The following MATN2 variants were observed in gnomAD, a reference collection of about 807,000 sequenced individuals.
MATN2 encodes the protein matrilin-2.
A neutral mutation model predicts 103.2 loss-of-function variants in MATN2; 69 were observed. The observed-to-expected ratio is 0.67, with a 90% CI of 0.55 to 0.82. MATN2 has a LOEUF of 0.82. Ranked by LOEUF, MATN2 falls within the 40% of genes least tolerant of loss-of-function variation. The pLI is 0.00. For synonymous variants in MATN2, 429 were observed against 450.2 expected (o/e 0.95, Z 0.60); for missense variants, 1,023 against 1,211.5 (o/e 0.84, Z 2.31).
At chr8:97,914,261 A>C (rs573301111) in intron 2 of MATN2, among the ~76,000 whole-genome samples, 1 of 151,726 alleles carries the variant, frequency 6.6e-6, no homozygotes, top group Admixed American at 6.6e-5. Flanking sequence ...AGAAGACTGA[A>C]GTCTGGGCTG....
At chr8:97,927,126 G>GTTTTGT (rs10565947) in intron 2 of MATN2, among the ~76,000 whole-genome samples, 1 of 150,594 alleles carries the variant, frequency 6.6e-6, no homozygotes, top group African/African-American at 2.4e-5. Flanking sequence ...GTTCTGTTTT[G>GTTTTGT]TTTTGTTTTT....
At chr8:97,910,134 T>A (rs1353354335) in intron 2 of MATN2, among the ~76,000 whole-genome samples, 2 of 150,990 alleles carry the variant, frequency 1.3e-5, no homozygotes, top group East Asian at 3.9e-4. Flanking sequence ...CAATCTCAGC[T>A]CACTGCAACC....
chr8:98,034,964 G>A (rs994399618), intron 18 of MATN2, among the ~76,000 whole-genome samples: 7 of 151,294 alleles, frequency 4.6e-5, no homozygotes, highest in African/African-American at 1.7e-4. Flanking sequence ...GCTCACACCT[G>A]TAATCCTAGC....
chr8:98,025,260 G>A (rs1206904744), intron 13 of MATN2: 1 of 152,182 alleles, frequency 6.6e-6, no homozygotes, highest in Non-Finnish European at 1.5e-5. Flanking sequence ...CCCCCAACAT[G>A]TGCGCACTCA....
At chr8:98,015,469 G>A (rs569773638) in intron 10 of MATN2, among the ~76,000 whole-genome samples, 116 of 149,480 alleles carry the variant, frequency 7.8e-4, no homozygotes, top group Non-Finnish European at 1.5e-3. Context: ...AGTCACAGTG[G>A]TCTCCTTGCC....
chr8:97,908,301 C>T (rs1288187866), intron 2 of MATN2, among the ~76,000 whole-genome samples: 2 of 151,922 alleles, frequency 1.3e-5, no homozygotes, highest in African/African-American at 2.4e-5. Flanking sequence ...TATGACTCTA[C>T]TATGAGATCT....
At chr8:98,015,361 G>T (rs1813322191) in intron 10 of MATN2, among the ~76,000 whole-genome samples, 1 of 152,026 alleles carries the variant, frequency 6.6e-6, no homozygotes, top group Non-Finnish European at 1.5e-5. Context: ...TGCAGTGACT[G>T]CCCTTCTCTT....
At chr8:97,944,547 C>T (rs1444798847) in intron 4 of MATN2, among the ~76,000 whole-genome samples, 1 of 152,190 alleles carries the variant, frequency 6.6e-6, no homozygotes, top group Non-Finnish European at 1.5e-5. Flanking sequence ...TTGAACCCGA[C>T]CTTATCACTT....
Position 98,005,747 on chromosome 8 carries a change from C to CT in MATN2, c.1328-1357dup, listed in dbSNP as rs1812945431. ...GCCCTGAGCACTTCCCATGCATAAA[C>CT]TCCCTGCATCCTCACAGCCGCCCTA... is the stretch of plus-strand genomic sequence containing the variant. On this transcript the variant is annotated intron_variant, in intron 8 of 18. Coordinates refer to ENST00000254898, the MANE Select transcript of MATN2 (RefSeq NM_002380.5). This position sits in a 1 kb window ranked among gnomAD's most constrained non-coding sequence, Gnocchi z 4.6. 6.6e-6 allele frequency among the ~76,000 whole-genome samples: 1 copy of CT among 152,234 alleles called. No individual in the cohort carries two copies. Among genetic ancestry groups the CT allele is most frequent in the African/African-American group, 2.4e-5 (1 of 41,466 alleles).
chr8:97,880,064 G>A (rs1044049130), intron 1 of MATN2, among the ~76,000 whole-genome samples: 21 of 147,418 alleles, frequency 1.4e-4, no homozygotes, highest in Middle Eastern at 3.4e-3. Flanking sequence ...GGAATTTATC[G>A]TTAGAAAAAT....
chr8:97,988,189 T>TATACAC (rs71570279), intron 6 of MATN2, among the ~76,000 whole-genome samples: 10 of 54,974 alleles, frequency 1.8e-4, no homozygotes, highest in East Asian at 5.7e-4. Flanking sequence ...TATATATATA[T>TATACAC]ACACACACAC....
intron 7 of MATN2, among the ~76,000 whole-genome samples, chr8:97,999,374 T>C (rs1280083894): frequency 6.6e-6 from 1 of 152,244 alleles, no homozygotes; most frequent in East Asian, 1.9e-4. Flanking sequence ...GGAACCGCCA[T>C]GCTGTTTTCC....
chr8:97,963,724 G>A (rs1482650005), intron 5 of MATN2, among the ~76,000 whole-genome samples: 1 of 152,178 alleles, frequency 6.6e-6, no homozygotes, highest in Non-Finnish European at 1.5e-5. Flanking sequence ...GGGAGAGACT[G>A]CATCCCATTG....
chr8:97,878,665 C>T (rs903173066), intron 1 of MATN2, among the ~76,000 whole-genome samples: 5 of 151,888 alleles, frequency 3.3e-5, no homozygotes, highest in African/African-American at 9.7e-5. Flanking sequence ...GCCTAGCCAA[C>T]GTGGTGAAAC....
intron 4 of MATN2, among the ~76,000 whole-genome samples, chr8:97,958,141 C>T (rs1358233387): frequency 6.6e-6 from 1 of 152,114 alleles, no homozygotes; most frequent in Admixed American, 6.5e-5. Flanking sequence ...TTTTGTCTTC[C>T]TCCATTATTA....
intron 6 of MATN2, among the ~76,000 whole-genome samples, chr8:97,988,395 G>A (rs2130338752): frequency 6.6e-6 from 1 of 151,868 alleles, no homozygotes; most frequent in East Asian, 1.9e-4. Flanking sequence ...GGAGGCTTAG[G>A]TGGGAGGATT....
At chr8:97,965,275 T>C (rs1253220930) in intron 5 of MATN2, among the ~76,000 whole-genome samples, 1 of 152,178 alleles carries the variant, frequency 6.6e-6, no homozygotes, top group Non-Finnish European at 1.5e-5. Context: ...AGATTTTATC[T>C]CTGAAAAAGA....
chr8:98,031,036 G>C (rs1206247465), intron 15 of MATN2, among the ~76,000 whole-genome samples: 2 of 152,092 alleles, frequency 1.3e-5, no homozygotes, highest in South Asian at 2.1e-4. Flanking sequence ...GCAATGCCTA[G>C]AAACAGTACA....
chr8:97,978,777 G>A (rs1200835826), intron 5 of MATN2, 109 bp from the exon 6 acceptor site: 3 of 1,050,106 alleles, frequency 2.9e-6, no homozygotes, highest in Non-Finnish European at 4.3e-6. Context: ...TCTTTTGGGG[G>A]GCAATAATAT....
Sources: allele counts gnomAD v4.1 joint callset (sites outside exome capture counted in the v4.1 genomes callset), GRCh38; gene constraint gnomAD v4.1.1; non-coding constraint Gnocchi (gnomAD v3.1); transcripts MANE v1.5; gene names NCBI Gene and HGNC (gene_info 2026-07-23, HGNC 2026-07-21).